GRM1: variants seen among roughly 807,000 people sequenced by gnomAD.
GRM1 encodes the protein glutamate metabotropic receptor 1, also known as metabotropic glutamate receptor 1.
Under a neutral mutation model 90.9 loss-of-function variants are expected in GRM1, and 33 were observed. The observed-to-expected ratio is 0.36, with a 90% CI of 0.28 to 0.49. The LOEUF (loss-of-function observed/expected upper bound fraction) is 0.49, where lower values mean the gene tolerates loss of function less well. GRM1 is among the 20% of genes least tolerant of loss of function. GRM1 has a pLI of 0.99. For synonymous variants in GRM1, 700 were observed against 613.2 expected, an observed-to-expected ratio of 1.14 and a Z score of -2.09; for missense variants, 1,190 against 1,534.3, an observed-to-expected ratio of 0.78 and a Z score of 3.75.
intron 2 of GRM1, among the ~76,000 whole-genome samples, chr6:146,181,521 A>G (rs894718837): frequency 1.3e-5 from 2 of 152,198 alleles, no homozygotes; most frequent in Non-Finnish European, 2.9e-5. Flanking sequence ...CTCTGCCATG[A>G]TTACTGTTGT....
At chr6:146,154,238 C>A (rs1168858269) in intron 1 of GRM1, among the ~76,000 whole-genome samples, 1 of 152,226 alleles carries the variant, frequency 6.6e-6, no homozygotes, top group Non-Finnish European at 1.5e-5. Flanking sequence ...CTCCTTGTAA[C>A]ACAATCTTCT....
chr6:146,380,550 G>A (rs1776285559), intron 5 of GRM1, among the ~76,000 whole-genome samples: 1 of 152,148 alleles, frequency 6.6e-6, no homozygotes, highest in African/African-American at 2.4e-5. Context: ...GTGGGCTCCT[G>A]TCTGGCCCAA....
intron 2 of GRM1, among the ~76,000 whole-genome samples, chr6:146,299,839 C>A (rs1470426398): frequency 6.6e-6 from 1 of 152,102 alleles, no homozygotes; most frequent in Non-Finnish European, 1.5e-5. Flanking sequence ...ATCCACTGGG[C>A]TGTACCTGAG....
rs556595123 is a variant in GRM1, at chr6:146,339,724, C to T, written c.1187-12526C>T. Among the ~76,000 whole-genome samples the T allele has an allele frequency of 3.9e-5, 6 of 152,326 alleles. No homozygotes were observed. In the East Asian group the frequency reaches 7.7e-4, roughly 20 times the overall value. On this transcript the variant is annotated intron_variant, in intron 3 of 7. Transcript: ENST00000282753. Reference sequence around the variant, plus strand: ...GCAAAGTGCGCTGATATCACAGAGTCTACTCTGACAATACAAAGAAGGTTT... The same window carrying T: ...GCAAAGTGCGCTGATATCACAGAGTTTACTCTGACAATACAAAGAAGGTTT...
chr6:146,298,115 C>A (rs1783247840), intron 2 of GRM1, among the ~76,000 whole-genome samples: 1 of 152,162 alleles, frequency 6.6e-6, no homozygotes. Flanking sequence ...AGTCATAACT[C>A]ATTCATTCTC....
chr6:146,329,307 T>C (rs1784506866), intron 3 of GRM1, among the ~76,000 whole-genome samples: 1 of 152,170 alleles, frequency 6.6e-6, no homozygotes, highest in African/African-American at 2.4e-5. Context: ...TCCTATTACC[T>C]ATTATAATTC....
intron 2 of GRM1, among the ~76,000 whole-genome samples, chr6:146,232,318 C>A (rs1256043793): frequency 6.6e-6 from 1 of 152,044 alleles, no homozygotes; most frequent in East Asian, 1.9e-4. Flanking sequence ...CTTTGTCTAT[C>A]CACACATCAT....
chr6:146,094,057 A>G (rs1449910056), intron 1 of GRM1, among the ~76,000 whole-genome samples: 4 of 152,070 alleles, frequency 2.6e-5, no homozygotes, highest in Non-Finnish European at 5.9e-5. Flanking sequence ...TATAAAAACA[A>G]CCCCTAAGTA....
intron 2 of GRM1, among the ~76,000 whole-genome samples, chr6:146,194,239 C>A (rs1162642773): frequency 6.6e-6 from 1 of 152,038 alleles, no homozygotes; most frequent in African/African-American, 2.4e-5. Context: ...TCCATTGAAC[C>A]AGCTTTCTCC....
At chr6:146,167,746 AT>A (rs1395542030) in intron 2 of GRM1, among the ~76,000 whole-genome samples, 4 of 152,038 alleles carry the variant, frequency 2.6e-5, no homozygotes, top group Non-Finnish European at 5.9e-5. Flanking sequence ...TTATCTTCTC[AT>A]TATGGAGTCG....
chr6:146,263,205 A>G (rs1781761921), intron 2 of GRM1, among the ~76,000 whole-genome samples: 1 of 152,030 alleles, frequency 6.6e-6, no homozygotes, highest in Non-Finnish European at 1.5e-5. Context: ...AAATTTAGAA[A>G]TGGATAAAAT....
At chr6:146,227,131 A>G (rs1429687074) in intron 2 of GRM1, among the ~76,000 whole-genome samples, 2 of 152,108 alleles carry the variant, frequency 1.3e-5, no homozygotes, top group Non-Finnish European at 2.9e-5. Context: ...AAACTATTGT[A>G]TATAACATAT....
intron 5 of GRM1, among the ~76,000 whole-genome samples, chr6:146,375,970 C>T (rs1295973237): frequency 6.6e-6 from 1 of 151,558 alleles, no homozygotes; most frequent in Non-Finnish European, 1.5e-5. Context: ...TCCTGTTTTC[C>T]TCTAGTGAAG....
At chr6:146,073,277 A>C in intron 1 of GRM1, among the ~76,000 whole-genome samples, 1 of 152,114 alleles carries the variant, frequency 6.6e-6, no homozygotes, top group East Asian at 1.9e-4. Flanking sequence ...TGTTGGCTAG[A>C]AGGGGGCTGA....
chr6:146,318,577 A>T (rs983535466), intron 3 of GRM1, among the ~76,000 whole-genome samples: 2 of 152,214 alleles, frequency 1.3e-5, no homozygotes, highest in African/African-American at 4.8e-5. Flanking sequence ...AGGACTCACC[A>T]TACTGTCTTC....
At chr6:146,051,388 C>G (rs545147244) in intron 1 of GRM1, among the ~76,000 whole-genome samples, 1 of 143,180 alleles carries the variant, frequency 7.0e-6, no homozygotes, top group African/African-American at 2.6e-5. Context: ...TGATACAGTG[C>G]TCATCCTAAG....
chr6:146,240,861 T>C (rs1413707322), intron 2 of GRM1, among the ~76,000 whole-genome samples: 1 of 152,146 alleles, frequency 6.6e-6, no homozygotes, highest in Non-Finnish European at 1.5e-5. Flanking sequence ...AATTTACATG[T>C]ATACCTACTA....
chr6:146,369,121 A>G (rs1775805570), intron 5 of GRM1, among the ~76,000 whole-genome samples: 2 of 151,712 alleles, frequency 1.3e-5, no homozygotes, highest in Admixed American at 1.3e-4. Context: ...AGATTTCCCA[A>G]TCTGTTGGCA....
chr6:146,404,412 A>G (rs2300623), intron 7 of GRM1, among the ~76,000 whole-genome samples: 3 of 152,128 alleles, frequency 2.0e-5, no homozygotes, highest in Admixed American at 2.0e-4. Context: ...AACTAAATGT[A>G]CTGTGCTATG....
Sources: allele counts gnomAD v4.1 joint callset (sites outside exome capture counted in the v4.1 genomes callset), GRCh38; gene constraint gnomAD v4.1.1; transcripts MANE v1.5; gene names NCBI Gene and HGNC (gene_info 2026-07-23, HGNC 2026-07-21).